The following NRXN1 variants were observed in gnomAD, a reference collection of about 807,000 sequenced individuals.
NRXN1 encodes neurexin 1.
Under a neutral mutation model 150.9 loss-of-function variants are expected in NRXN1, and 39 were observed. The ratio of observed to expected loss-of-function variants is 0.26; its 90% CI spans 0.20 to 0.34. The LOEUF (loss-of-function observed/expected upper bound fraction) is 0.34. NRXN1 is among the 10% of genes least tolerant of loss of function. The pLI is 1.00. For synonymous variants in NRXN1, 924 were observed against 757.0 expected (o/e 1.22, Z -3.62); for missense variants, 1,815 against 1,949.9 (o/e 0.93, Z 1.30).
At chr2:50,209,365 T>C (rs182219517) in intron 18 of NRXN1, among the ~76,000 whole-genome samples, 190 of 152,270 alleles carry the variant, frequency 1.2e-3, no homozygotes, top group African/African-American at 4.4e-3. Flanking sequence ...TATGCAATAC[T>C]TGTGGTGCAC....
intron 17 of NRXN1, among the ~76,000 whole-genome samples, chr2:50,345,418 T>G (rs925030572): frequency 3.9e-5 from 6 of 152,130 alleles, no homozygotes; most frequent in Admixed American, 2.6e-4. Flanking sequence ...CAGAGCAAAC[T>G]CATAAGGAGT....
At chr2:50,356,064 C>CA (rs539688200) in intron 17 of NRXN1, among the ~76,000 whole-genome samples, 4,921 of 143,274 alleles carry the variant, frequency 0.034, 170 homozygotes, top group African/African-American at 0.09. Flanking sequence ...TTCCATACTT[C>CA]AAAAAAAAAA....
chr2:50,314,953 A>AT (rs775002274), intron 17 of NRXN1, among the ~76,000 whole-genome samples: 18 of 150,666 alleles, frequency 1.2e-4, no homozygotes, highest in East Asian at 2.0e-4. Context: ...CCAGCTTTGG[A>AT]TTTTTTTTTC....
At chr2:50,573,609 TAAG>T (rs1356094135) in intron 8 of NRXN1, among the ~76,000 whole-genome samples, 2 of 151,968 alleles carry the variant, frequency 1.3e-5, no homozygotes, top group African/African-American at 4.8e-5. Context: ...CAAGTTAAGG[TAAG>T]AAATGAAACA....
At chr2:50,013,337 G>T (rs1365718896) in intron 21 of NRXN1, among the ~76,000 whole-genome samples, 8 of 144,374 alleles carry the variant, frequency 5.5e-5, no homozygotes, top group Non-Finnish European at 9.0e-5. Context: ...CTAGCATGTG[G>T]TCTCAGCATT....
chr2:50,943,720 G>C (rs756310765), intron 2 of NRXN1, among the ~76,000 whole-genome samples: 3 of 152,090 alleles, frequency 2.0e-5, no homozygotes, highest in Non-Finnish European at 2.9e-5. Flanking sequence ...AATAAAAGAA[G>C]GCTCATGATC....
chr2:50,646,708 C>CTTTTTTTTTTTTTT (rs552231598), intron 5 of NRXN1, among the ~76,000 whole-genome samples: 5 of 107,428 alleles, frequency 4.7e-5, no homozygotes, highest in Non-Finnish European at 9.3e-5. Context: ...TTCATGTTGT[C>CTTTTTTTTTTTTTT]TTTTTTTTTT....
intron 17 of NRXN1, among the ~76,000 whole-genome samples, chr2:50,334,737 T>C (rs770665681): frequency 4.6e-5 from 7 of 152,224 alleles, no homozygotes; most frequent in Non-Finnish European, 1.0e-4. Flanking sequence ...TATTATCTGT[T>C]ATCTAGAAAA....
At chr2:50,245,269 A>G (rs1397456203) in intron 17 of NRXN1, among the ~76,000 whole-genome samples, 1 of 151,938 alleles carries the variant, frequency 6.6e-6, no homozygotes, top group Non-Finnish European at 1.5e-5. Context: ...GTAGAAAAAC[A>G]GGTAAGTAGT....
chr2:50,686,727 C>T (rs558250954), intron 5 of NRXN1, among the ~76,000 whole-genome samples: 6 of 152,260 alleles, frequency 3.9e-5, no homozygotes, highest in Admixed American at 1.3e-4. Context: ...AGTACAATAG[C>T]GTTAAAGGTA....
intron 1 of NRXN1, 112 bp downstream of exon 1, chr2:51,031,869 C>G (rs1222275696): frequency 2.0e-5 from 3 of 152,192 alleles, no homozygotes; most frequent in Non-Finnish European, 4.4e-5. Context: ...CACCACCCAT[C>G]TTTCCCTGTG....
At chr2:49,926,280 C>T (rs1443578577) in intron 22 of NRXN1, 2 of 398,184 alleles carry the variant, frequency 5.0e-6, no homozygotes, top group East Asian at 7.1e-5. Flanking sequence ...ACTTATAAAG[C>T]ATGTTACCTT....
chr2:50,706,587 G>A lies in NRXN1; in HGVS notation c.833-82972C>T, dbSNP rs1038480145. 2.0e-4 allele frequency among the ~76,000 whole-genome samples: 30 copies of A among 152,104 alleles called. 1 individual carries two copies. The highest frequency in any genetic ancestry group is 1.6e-3 in the Admixed American group (24 of 15,258). ...ACAAGAAATCTTCACAGCCAATAAA[G>A]TAGACACTAGCTGTGGTTTATAAAA... On this transcript the variant is annotated intron_variant, in intron 5 of 22. Transcript: ENST00000401669.
intron 5 of NRXN1, among the ~76,000 whole-genome samples, chr2:50,766,035 C>T (rs1254190989): frequency 6.6e-6 from 1 of 152,028 alleles, no homozygotes; most frequent in African/African-American, 2.4e-5. Context: ...AATTAGAGCT[C>T]ATGTACTACA....
At chr2:50,708,281 T>C (rs1212807154) in intron 5 of NRXN1, among the ~76,000 whole-genome samples, 2 of 152,192 alleles carry the variant, frequency 1.3e-5, no homozygotes, top group African/African-American at 4.8e-5. Context: ...TCATGAACTA[T>C]TTTCAATACT....
At chr2:50,933,330 C>T (rs1688048871) in intron 2 of NRXN1, among the ~76,000 whole-genome samples, 2 of 151,992 alleles carry the variant, frequency 1.3e-5, no homozygotes, top group Admixed American at 1.3e-4. Context: ...ATGAATTTGC[C>T]ACATAAAATA....
chr2:50,329,617 G>C (rs374897378), intron 17 of NRXN1, among the ~76,000 whole-genome samples: 1,773 of 13,956 alleles, frequency 0.13, 187 homozygotes, highest in African/African-American at 0.28. Context: ...GTGTGTGTGT[G>C]TATATATATA....
intron 5 of NRXN1, among the ~76,000 whole-genome samples, chr2:50,861,099 A>G (rs1227791360): frequency 6.6e-6 from 1 of 152,066 alleles, no homozygotes; most frequent in Non-Finnish European, 1.5e-5. Flanking sequence ...TTGGTGGTAG[A>G]ACATGCCAAG....
Position 51,028,305 on chromosome 2 carries a change from G to C in NRXN1, c.-32C>G. The C allele has an allele frequency of 2.9e-6, 4 of 1,377,596 alleles. No individual in the cohort carries two copies. The highest frequency in any genetic ancestry group is 3.8e-6 in the Non-Finnish European group (4 of 1,053,244). The allele number at this position is 1,377,596 out of a possible 1,614,324, so 85.3% of individuals were successfully genotyped here. A position where few individuals can be genotyped will look rare whatever the true frequency, so the allele number is the denominator to read the frequency against. On this transcript the variant is annotated 5_prime_UTR_variant, in exon 2 of 23. Transcript: ENST00000401669. Reference sequence around the variant, plus strand: ...GGCTGGGGTGCGGCGGGGGGGTGCCGGGGCCGACAGGGTCAAAATGGTCCT... The same window carrying C: ...GGCTGGGGTGCGGCGGGGGGGTGCCCGGGCCGACAGGGTCAAAATGGTCCT...
Sources: allele counts gnomAD v4.1 joint callset (sites outside exome capture counted in the v4.1 genomes callset), GRCh38; gene constraint gnomAD v4.1.1; transcripts MANE v1.5; gene names NCBI Gene and HGNC (gene_info 2026-07-23, HGNC 2026-07-21).